BBOX1: variants seen among roughly 807,000 people sequenced by gnomAD.
The protein encoded by BBOX1 is gamma-butyrobetaine dioxygenase.
Under a neutral mutation model 41.6 loss-of-function variants are expected in BBOX1, and 35 were observed. The ratio of observed to expected loss-of-function variants is 0.84; its 90% CI spans 0.64 to 1.11. BBOX1 has a LOEUF of 1.11. Ranked by LOEUF, BBOX1 falls within the 50% of genes most tolerant of loss-of-function variation. The pLI is 0.00. For missense variants in BBOX1, 458 were observed against 460.6 expected, an observed-to-expected ratio of 0.99 and a Z score of 0.05; for synonymous variants, 163 against 154.7, an observed-to-expected ratio of 1.05 and a Z score of -0.40.
chr11:27,119,869 C>T (rs1164065551), intron 7 of BBOX1, 24 bp downstream of exon 7: 1 of 1,279,670 alleles, frequency 7.8e-7, no homozygotes, highest in Middle Eastern at 2.4e-4. Context: ...ATAAATTTCC[C>T]ATAGCAATAA....
intron 4 of BBOX1, among the ~76,000 whole-genome samples, chr11:27,058,356 G>A (rs960674775): frequency 2.0e-5 from 3 of 152,140 alleles, no homozygotes; most frequent in African/African-American, 2.4e-5. Flanking sequence ...CCCAGTCTCA[G>A]GTATTTCCTT....
chr11:27,098,083 C>T (rs1431508753), intron 5 of BBOX1, among the ~76,000 whole-genome samples: 1 of 152,016 alleles, frequency 6.6e-6, no homozygotes, highest in Non-Finnish European at 1.5e-5. Flanking sequence ...ATCTCTCTTG[C>T]TTTTATATCT....
chr11:27,072,205 T>C (rs1193274648), intron 4 of BBOX1, among the ~76,000 whole-genome samples: 2 of 152,200 alleles, frequency 1.3e-5, no homozygotes, highest in Non-Finnish European at 2.9e-5. Context: ...CTTAAGCTGA[T>C]AGGCAACTTT....
chr11:27,079,457 C>G (rs1857757069), intron 4 of BBOX1, among the ~76,000 whole-genome samples: 1 of 152,008 alleles, frequency 6.6e-6, no homozygotes, highest in African/African-American at 2.4e-5. Context: ...GTGCTAGATA[C>G]TTGAAAAAGA....
chr11:27,045,936 G>C (rs1851474104), intron 2 of BBOX1, among the ~76,000 whole-genome samples: 1 of 152,160 alleles, frequency 6.6e-6, no homozygotes, highest in South Asian at 2.1e-4. Flanking sequence ...TGTAAGTAAT[G>C]TTTGAAGAAC....
At chr11:27,082,734 T>A (rs753445073) in intron 4 of BBOX1, among the ~76,000 whole-genome samples, 1 of 152,184 alleles carries the variant, frequency 6.6e-6, no homozygotes, top group Non-Finnish European at 1.5e-5. Context: ...GAAGGGTGCA[T>A]GAAATCATAA....
rs138556066 is a variant in BBOX1, at chr11:27,072,035, T to C, written c.334+14720T>C. Among the ~76,000 whole-genome samples the C allele has an allele frequency of 8.5e-3, 1,302 of 152,316 alleles. 28 individuals are homozygous for C. Among genetic ancestry groups the C allele is most frequent in the African/African-American group, 0.029 (1,225 of 41,574 alleles). ...ACAAGACAAGGATGCCCTTTCTCAC[T>C]ACTCCTATTCAACATAGTGTTGGAA... On this transcript the variant is annotated intron_variant, in intron 4 of 8. Coordinates refer to ENST00000263182, the MANE Select transcript of BBOX1 (RefSeq NM_003986.3).
chr11:27,055,232 C>T (rs945996606), intron 2 of BBOX1, 161 bp from the exon 3 acceptor site: 1 of 530,058 alleles, frequency 1.9e-6, no homozygotes, highest in Non-Finnish European at 3.4e-6. Context: ...ATGTGAAATA[C>T]TCTCACCAGA....
At chr11:27,057,097 A>G (rs1857008895) in intron 3 of BBOX1, 104 bp from the exon 4 acceptor site, 2 of 486,968 alleles carry the variant, frequency 4.1e-6, no homozygotes, top group South Asian at 4.1e-5. Flanking sequence ...TAAGCAAAGC[A>G]TAATTGGATT....
intron 8 of BBOX1, 60 bp downstream of exon 8, chr11:27,125,880 C>A: frequency 1.3e-6 from 2 of 1,538,394 alleles, no homozygotes; most frequent in South Asian, 2.5e-5. Context: ...CCTTAACCAC[C>A]TAGAATTATA....
chr11:27,045,512 T>G (rs1181922689), intron 2 of BBOX1, among the ~76,000 whole-genome samples: 3 of 148,364 alleles, frequency 2.0e-5, no homozygotes, highest in Non-Finnish European at 3.0e-5. Flanking sequence ...TGTGCCAGTT[T>G]TCAAAGAGAA....
At chr11:27,122,488 G>T (rs1590230417) in intron 7 of BBOX1, among the ~76,000 whole-genome samples, 1 of 152,288 alleles carries the variant, frequency 6.6e-6, no homozygotes, top group South Asian at 2.1e-4. Context: ...GTTATAATAT[G>T]CATGAAGTCC....
In BBOX1 at chr11:27,056,140, T is replaced by C. The variant is rs193198426; in HGVS notation, c.219+491T>C. 1.2e-3 allele frequency among the ~76,000 whole-genome samples: 180 copies of C among 152,178 alleles called. 3 individuals carry two copies. The highest frequency in any genetic ancestry group is 2.8e-4 in the Non-Finnish European group (19 of 68,036). ...AAAAATGAGAATAATAGTAGTACCT[T>C]CCCCCTAGAGTTGTAAAGATTAAAT... On this transcript the variant is annotated intron_variant, in intron 3 of 8. Transcript: ENST00000263182.
chr11:27,085,097 T>C (rs1857986133), intron 4 of BBOX1, among the ~76,000 whole-genome samples: 1 of 152,280 alleles, frequency 6.6e-6, no homozygotes, highest in African/African-American at 2.4e-5. Context: ...TGGGGGAAGA[T>C]AAGAAAATCC....
At chr11:27,075,237 GTT>G (rs1857595602) in intron 4 of BBOX1, among the ~76,000 whole-genome samples, 2 of 152,158 alleles carry the variant, frequency 1.3e-5, no homozygotes, top group African/African-American at 4.8e-5. Context: ...CTCTGTAAGA[GTT>G]TCTCATTATA....
chr11:27,062,632 C>T (rs1174279426), intron 4 of BBOX1, among the ~76,000 whole-genome samples: 2 of 151,914 alleles, frequency 1.3e-5, no homozygotes, highest in South Asian at 4.2e-4. Context: ...GATCTCGGCT[C>T]ACTGCAACCT....
At chr11:27,124,054 A>G (rs1221760954) in intron 7 of BBOX1, among the ~76,000 whole-genome samples, 1 of 152,168 alleles carries the variant, frequency 6.6e-6, no homozygotes, top group Non-Finnish European at 1.5e-5. Flanking sequence ...GCTCAGAGCC[A>G]CCATGCACAA....
chr11:27,103,496 T>C (rs1858744058), intron 5 of BBOX1, among the ~76,000 whole-genome samples: 1 of 152,130 alleles, frequency 6.6e-6, no homozygotes, highest in Non-Finnish European at 1.5e-5. Context: ...TGATTTCTTT[T>C]AAATTCTTCT....
At chr11:27,072,410 C>T (rs553435426) in intron 4 of BBOX1, among the ~76,000 whole-genome samples, 22 of 152,062 alleles carry the variant, frequency 1.4e-4, no homozygotes, top group Non-Finnish European at 2.1e-4. Context: ...CACTGCTCAA[C>T]GAAATAAAAG....
Sources: allele counts gnomAD v4.1 joint callset (sites outside exome capture counted in the v4.1 genomes callset), GRCh38; gene constraint gnomAD v4.1.1; transcripts MANE v1.5; gene names NCBI Gene and HGNC (gene_info 2026-07-23, HGNC 2026-07-21).